LAMB4: variants seen among roughly 807,000 people sequenced by gnomAD.
LAMB4 encodes laminin subunit beta-4.
LAMB4 carries 196 observed loss-of-function variants against 199.2 expected under a neutral mutation model. The observed-to-expected ratio is 0.98, with a 90% CI of 0.88 to 1.11. The LOEUF (loss-of-function observed/expected upper bound fraction) is 1.11, where lower values mean the gene tolerates loss of function less well. Ranked by LOEUF, LAMB4 falls within the 50% of genes least tolerant of loss-of-function variation. The pLI, the probability that LAMB4 is intolerant of heterozygous loss-of-function variation, is 0.00. For missense variants in LAMB4, 2,080 were observed against 2,171.2 expected (o/e 0.96, Z 0.83); for synonymous variants, 744 against 770.6 (o/e 0.97, Z 0.57).
chr7:108,018,375 A>G, the LAMB4 span, among the ~76,000 whole-genome samples: 1 of 152,186 alleles, frequency 6.6e-6, no homozygotes, highest in Non-Finnish European at 1.5e-5. Flanking sequence ...CAGGGCATCC[A>G]TGCCCCAATG....
intron 25 of LAMB4, among the ~76,000 whole-genome samples, chr7:108,053,850 C>A (rs1427598791): frequency 6.6e-6 from 1 of 152,192 alleles, no homozygotes; most frequent in Admixed American, 6.5e-5. Context: ...AAAGCTCATT[C>A]TCAGACAAGT....
At chr7:108,128,759 T>C (rs1584809225) in intron 1 of LAMB4, among the ~76,000 whole-genome samples, 1 of 152,250 alleles carries the variant, frequency 6.6e-6, no homozygotes, top group East Asian at 1.9e-4. Context: ...GTTTAATTGG[T>C]ACTGCTTTTC....
chr7:108,014,306 T>C, the LAMB4 span, among the ~76,000 whole-genome samples: 4 of 152,240 alleles, frequency 2.6e-5, no homozygotes, highest in African/African-American at 9.6e-5. Flanking sequence ...AGGTACTTTC[T>C]AGAAACTAGA....
intron 4 of LAMB4, among the ~76,000 whole-genome samples, chr7:108,110,823 A>C (rs1235524948): frequency 6.6e-6 from 1 of 152,188 alleles, no homozygotes; most frequent in Non-Finnish European, 1.5e-5. Context: ...GATCAATAAC[A>C]AGGATCCAAA....
intron 3 of LAMB4, among the ~76,000 whole-genome samples, chr7:108,114,237 C>T (rs1266397116): frequency 1.3e-5 from 2 of 152,054 alleles, no homozygotes; most frequent in African/African-American, 4.8e-5. Flanking sequence ...GCTTGGGCAA[C>T]ATAGTGGGAC....
intron 12 of LAMB4, among the ~76,000 whole-genome samples, chr7:108,092,677 G>T (rs757380612): frequency 1.3e-5 from 2 of 152,058 alleles, no homozygotes; most frequent in Non-Finnish European, 2.9e-5. Context: ...AGGCCGAGAC[G>T]GGTGGATCAC....
intron 23 of LAMB4, among the ~76,000 whole-genome samples, chr7:108,059,097 CTTTTTTTTTTT>C (rs57814646): frequency 0.1 from 11,285 of 108,002 alleles, 1,460 homozygotes; most frequent in African/African-American, 0.35. Flanking sequence ...CAATCTGCCA[CTTTTTTTTTTT>C]TTTTTTTTTT....
intron 30 of LAMB4, among the ~76,000 whole-genome samples, chr7:108,035,617 A>G (rs942286681): frequency 1.3e-5 from 2 of 150,948 alleles, no homozygotes; most frequent in African/African-American, 2.4e-5. Context: ...AAAAAAAAAA[A>G]AAAAAGAAAA....
chr7:108,042,975 GTGTA>G lies in LAMB4; in HGVS notation c.4471+773_4471+776del, dbSNP rs1439993786. Among the ~76,000 whole-genome samples, 40 of 150,082 alleles carry G rather than the reference GTGTA, an allele frequency of 2.7e-4. No homozygotes were observed. The East Asian group carries it at 6.4e-3, about 24-fold the overall frequency. Reference sequence around the variant, plus strand: ...TGTGTGTGTGTGTGTGTGTGTGTGTGTGTATGTGTACAGAGAGTAAGGTTTCAGG... The same window carrying G: ...TGTGTGTGTGTGTGTGTGTGTGTGTGTGTGTACAGAGAGTAAGGTTTCAGG... On this transcript the variant is annotated intron_variant, in intron 29 of 33. Coordinates refer to ENST00000388781, the MANE Select transcript of LAMB4 (RefSeq NM_007356.3).
At chr7:108,074,896 A>G (rs370335444) in intron 17 of LAMB4, among the ~76,000 whole-genome samples, 2 of 152,322 alleles carry the variant, frequency 1.3e-5, no homozygotes, top group South Asian at 4.1e-4. Flanking sequence ...TACAGCGTCA[A>G]GTGATAATCT....
chr7:108,024,270 C>T (rs1201088131), intron 33 of LAMB4, 92 bp from the exon 34 acceptor site: 2 of 610,042 alleles, frequency 3.3e-6, no homozygotes, highest in Admixed American at 4.0e-5. Flanking sequence ...ATTTATGCGC[C>T]TCTCAAAGAT....
chr7:108,015,074 C>A, the LAMB4 span, among the ~76,000 whole-genome samples: 1 of 152,096 alleles, frequency 6.6e-6, no homozygotes, highest in Non-Finnish European at 1.5e-5. Flanking sequence ...TCCTATCAGT[C>A]ATATCTAAAT....
intron 4 of LAMB4, among the ~76,000 whole-genome samples, chr7:108,111,083 A>C (rs1373887124): frequency 6.6e-6 from 1 of 152,206 alleles, no homozygotes; most frequent in Non-Finnish European, 1.5e-5. Context: ...GGAAAACTGA[A>C]GAGTTCCAGA....
intron 17 of LAMB4, among the ~76,000 whole-genome samples, chr7:108,073,058 T>C (rs958888832): frequency 1.3e-5 from 2 of 152,100 alleles, no homozygotes; most frequent in Non-Finnish European, 2.9e-5. Flanking sequence ...AGGCCTGGAG[T>C]ACAGTGGCAC....
chr7:108,075,129 T>G (rs185513679), intron 17 of LAMB4, among the ~76,000 whole-genome samples: 121 of 152,356 alleles, frequency 7.9e-4, no homozygotes, highest in African/African-American at 2.6e-3. Flanking sequence ...CTTCCCTTTG[T>G]AACTCATATG....
In LAMB4 at chr7:108,098,440, G is replaced by A. The variant is rs2037706657; in HGVS notation, c.1323C>T (p.His441=). The change falls in exon 11 of 34, where the codon CAC becomes CAT. Residue 441 remains histidine, a synonymous_variant. Transcript: ENST00000388781. The part of the protein sequence containing the change: ...GAKCDQCKPN[H]YGLSATDPLG... ...GGGGGTCGGTGGCGCTTAGTCCGTA[G>A]TGGTTGGGTTTGCACTGGTCGCATT... 6.5e-7 allele frequency: 1 copy of A among 1,535,820 alleles called. No homozygotes were observed. The highest frequency in any genetic ancestry group is 8.8e-7 in the Non-Finnish European group (1 of 1,141,168).
intron 19 of LAMB4, among the ~76,000 whole-genome samples, 177 bp downstream of exon 19, chr7:108,067,839 T>C (rs538366883): frequency 6.6e-6 from 1 of 152,300 alleles, no homozygotes; most frequent in African/African-American, 2.4e-5. Flanking sequence ...CATTGATGAA[T>C]GGATGAATGA....
intron 17 of LAMB4, 130 bp from the exon 18 acceptor site, chr7:108,070,015 TAAGACTG>T: frequency 1.9e-6 from 1 of 534,274 alleles, no homozygotes; most frequent in East Asian, 3.0e-5. Flanking sequence ...TTAAACTGGT[TAAGACTG>T]AAGACTTTAA....
At chr7:108,093,823 T>C (rs1255831988) in intron 12 of LAMB4, among the ~76,000 whole-genome samples, 1 of 152,242 alleles carries the variant, frequency 6.6e-6, no homozygotes, top group African/African-American at 2.4e-5. Flanking sequence ...ATTTTATGCA[T>C]GATTTTACTC....
Sources: gnomAD v4.1 joint callset for allele counts (sites outside exome capture counted in the v4.1 genomes callset) on GRCh38, gnomAD v4.1.1 for gene constraint, MANE v1.5 for transcripts, NCBI Gene and HGNC (gene_info 2026-07-23, HGNC 2026-07-21) for gene names.